ABCA12: variants seen among roughly 807,000 people sequenced by gnomAD.
The protein encoded by ABCA12 is glucosylceramide transporter ABCA12.
In ABCA12, 156 loss-of-function variants were observed where a neutral mutation model predicts 293.5. The ratio of observed to expected loss-of-function variants is 0.53; its 90% CI spans 0.47 to 0.61. The LOEUF (loss-of-function observed/expected upper bound fraction) is 0.61, where lower values mean the gene tolerates loss of function less well. ABCA12 is among the 20% of genes least tolerant of loss of function. ABCA12 has a pLI of 0.00. For missense variants in ABCA12, 2,797 were observed against 3,090.2 expected (o/e 0.91, Z 2.25); for synonymous variants, 1,063 against 1,108.0 (o/e 0.96, Z 0.81).
intron 38 of ABCA12, 151 bp downstream of exon 38, chr2:214,968,569 C>T: frequency 1.4e-6 from 1 of 711,234 alleles, no homozygotes; most frequent in Non-Finnish European, 2.5e-6. Flanking sequence ...CCCTAGGGTA[C>T]ATACACAGAA....
chr2:215,004,169 A>T (rs1299414037), intron 20 of ABCA12, 40 bp downstream of exon 20: 2 of 1,511,064 alleles, frequency 1.3e-6, no homozygotes, highest in Non-Finnish European at 1.8e-6. Context: ...TATATGTCCG[A>T]CATGACTCAT....
At chr2:215,117,604 G>C (rs192511115) in intron 1 of ABCA12, among the ~76,000 whole-genome samples, 1 of 152,068 alleles carries the variant, frequency 6.6e-6, no homozygotes, top group East Asian at 1.9e-4. Context: ...TTCAACTTTA[G>C]GTCATCACTA....
intron 1 of ABCA12, among the ~76,000 whole-genome samples, chr2:215,136,882 T>A (rs1204032409): frequency 6.6e-6 from 1 of 152,104 alleles, no homozygotes; most frequent in African/African-American, 2.4e-5. Flanking sequence ...TTAGAGAAAC[T>A]GTCTTAAGCT....
chr2:215,137,194 A>T (rs75744705), intron 1 of ABCA12, among the ~76,000 whole-genome samples: 5,834 of 152,234 alleles, frequency 0.038, 147 homozygotes, highest in African/African-American at 0.049. Context: ...CTCTTACTAC[A>T]CACATCAAAA....
chr2:214,953,703 A>T (rs1698851078), intron 44 of ABCA12, 151 bp downstream of exon 44: 1 of 946,072 alleles, frequency 1.1e-6, no homozygotes, highest in African/African-American at 1.7e-5. Flanking sequence ...AGAATAAAAT[A>T]AATAGTGAAT....
rs534230198 is a variant in ABCA12, at chr2:215,076,058, C to A, written c.164-11839G>T. ...TACAAATGATACTTGTGACAGCCCA[C>A]CAGTGGAAAATGTGTGTCACAACCT... On this transcript the variant is annotated intron_variant, in intron 2 of 52. Coordinates refer to ENST00000272895, the MANE Select transcript of ABCA12 (RefSeq NM_173076.3). 6.8e-4 allele frequency among the ~76,000 whole-genome samples: 103 copies of A among 152,322 alleles called. 1 individual carries two copies. The highest frequency in any genetic ancestry group is 2.4e-3 in the African/African-American group (101 of 41,572).
intron 14 of ABCA12, chr2:215,017,663 C>T (rs1438673105): frequency 4.4e-4 from 64 of 146,722 alleles, no homozygotes; most frequent in African/African-American, 1.5e-3. Context: ...TTTTTTGAGA[C>T]GGAGTCTCGC....
intron 31 of ABCA12, among the ~76,000 whole-genome samples, chr2:214,979,764 G>A (rs1559127203): frequency 6.6e-6 from 1 of 152,082 alleles, no homozygotes; most frequent in South Asian, 2.1e-4. Flanking sequence ...ATGTCTGAAT[G>A]AGTATAATAA....
intron 16 of ABCA12, 131 bp downstream of exon 16, chr2:215,011,840 G>A (rs1700381421): frequency 1.7e-6 from 2 of 1,192,052 alleles, no homozygotes; most frequent in East Asian, 4.7e-5. Context: ...GTGTTGCTAG[G>A]TAGAAGAGTT....
chr2:214,952,762 TAA>T (rs1559111066), intron 44 of ABCA12, among the ~76,000 whole-genome samples: 1 of 152,252 alleles, frequency 6.6e-6, no homozygotes, highest in African/African-American at 2.4e-5. Context: ...ACCAAGCATT[TAA>T]GAGATTCCAT....
chr2:214,963,820 TG>T (rs768046812), intron 39 of ABCA12, among the ~76,000 whole-genome samples: 113 of 144,982 alleles, frequency 7.8e-4, no homozygotes, highest in Non-Finnish European at 1.1e-3. Context: ...CTTGGGAGGC[TG>T]GGGCAGGAGA....
At chr2:215,134,293 T>C (rs143619126) in intron 1 of ABCA12, among the ~76,000 whole-genome samples, 7 of 148,212 alleles carry the variant, frequency 4.7e-5, no homozygotes, top group Non-Finnish European at 8.9e-5. Context: ...TATATGTATA[T>C]GTACATATAT....
intron 7 of ABCA12, among the ~76,000 whole-genome samples, chr2:215,042,687 ATTTG>A (rs1701123216): frequency 6.6e-6 from 1 of 152,164 alleles, no homozygotes; most frequent in Non-Finnish European, 1.5e-5. Context: ...AACGTTTATT[ATTTG>A]TTTATCATGA....
intron 1 of ABCA12, among the ~76,000 whole-genome samples, chr2:215,121,508 C>T (rs1329921921): frequency 2.0e-5 from 3 of 152,108 alleles, no homozygotes; most frequent in African/African-American, 7.2e-5. Context: ...CCAAGGTTTA[C>T]ATTGCGAAGT....
At chr2:215,130,700 A>T (rs896699478) in intron 1 of ABCA12, among the ~76,000 whole-genome samples, 1 of 152,004 alleles carries the variant, frequency 6.6e-6, no homozygotes, top group Non-Finnish European at 1.5e-5. Context: ...AGATAAGTTG[A>T]CTTCCTCTTT....
At chr2:215,014,431 G>T (rs192787170) in intron 15 of ABCA12, among the ~76,000 whole-genome samples, 125 of 152,206 alleles carry the variant, frequency 8.2e-4, no homozygotes, top group Admixed American at 1.4e-3. Context: ...CTGGAGCCAG[G>T]GTCCAGAAAG....
chr2:214,989,187 C>CATAT (rs71399168), intron 26 of ABCA12, 142 bp downstream of exon 26: 353 of 28,144 alleles, frequency 0.013, 23 homozygotes, highest in African/African-American at 0.019. Context: ...TCAATACATA[C>CATAT]ATATATATAT....
chr2:215,058,561 T>G (rs964709730), intron 3 of ABCA12, among the ~76,000 whole-genome samples: 4 of 152,052 alleles, frequency 2.6e-5, no homozygotes, highest in African/African-American at 9.7e-5. Context: ...AAAACTTAGC[T>G]GTCCACTGAA....
At chr2:215,073,798 G>A (rs1331994712) in intron 2 of ABCA12, among the ~76,000 whole-genome samples, 1 of 152,172 alleles carries the variant, frequency 6.6e-6, no homozygotes, top group Non-Finnish European at 1.5e-5. Flanking sequence ...AGAACGAGTT[G>A]AGGATTTAAT....
Sources: allele counts gnomAD v4.1 joint callset (sites outside exome capture counted in the v4.1 genomes callset), GRCh38; gene constraint gnomAD v4.1.1; transcripts MANE v1.5; gene names NCBI Gene and HGNC (gene_info 2026-07-23, HGNC 2026-07-21).